The following SRSF3 variants were observed in gnomAD, a reference collection of about 807,000 sequenced individuals.
SRSF3 encodes the protein serine/arginine-rich splicing factor 3.
For synonymous variants in SRSF3, 87 were observed against 73.6 expected, an observed-to-expected ratio of 1.18 and a Z score of -0.93; for missense variants, 58 against 217.1, an observed-to-expected ratio of 0.27 and a Z score of 4.61.
chr6:36,598,745 C>T, intron 2 of SRSF3, 104 bp from the exon 3 acceptor site: 1 of 1,325,546 alleles, frequency 7.5e-7, no homozygotes, highest in Non-Finnish European at 1.0e-6. Flanking sequence ...TGCACAGACA[C>T]TTAGGTGTGT....
At chr6:36,597,097 CTTTTTTT>C (rs35760494) in intron 2 of SRSF3, 129 bp downstream of exon 2, 342 of 362,658 alleles carry the variant, frequency 9.4e-4, no homozygotes, top group Non-Finnish European at 1.1e-3. Context: ...CAATTGGGAT[CTTTTTTT>C]TTTTTTTTTT....
chr6:36,600,238 C>T, intron 3 of SRSF3: 1 of 1,047,444 alleles, frequency 9.5e-7, no homozygotes, highest in Non-Finnish European at 1.2e-6. Flanking sequence ...GTCCGGCAGC[C>T]TCACCTCACC....
chr6:36,599,607 G>A, intron 3 of SRSF3: 1 of 358,916 alleles, frequency 2.8e-6, no homozygotes, highest in Non-Finnish European at 5.5e-6. Flanking sequence ...AGTTTCTATA[G>A]GACTAAATTT....
rs1778782342 is a variant in SRSF3 at position 36,604,663 on chromosome 6, ACC to A, written c.*2676_*2677del. ...ACTGCTGTCAGTGGCTTTCACACAA[ACC>A]CATATGTGGATGGAAAATCCAGGTT... On this transcript the variant is annotated 3_prime_UTR_variant, in exon 6 of 6. Transcript: ENST00000373715. 6.2e-6 allele frequency: 1 copy of A among 161,842 alleles called. No individual in the cohort carries two copies. Among genetic ancestry groups the A allele is most frequent in the African/African-American group, 2.4e-5 (1 of 41,746 alleles). The allele number at this position is 161,842 out of a possible 1,614,324, so 10.0% of individuals were successfully genotyped here.
chr6:36,596,751 T>C lies in SRSF3; in HGVS notation c.-2-10T>C, dbSNP rs1406524090. 2 of 1,612,878 alleles carry C rather than the reference T, an allele frequency of 1.2e-6. No homozygotes were observed. Among genetic ancestry groups the C allele is most frequent in the Non-Finnish European group, 1.7e-6 (2 of 1,179,202 alleles). On this transcript the variant is annotated splice_polypyrimidine_tract_variant and intron_variant, in intron 1 of 5. Transcript: ENST00000373715. ...AGATGAATGAATATTTTTGGTATTT[T>C]TCATTACAGAAATGCATCGTGATTC... is the stretch of plus-strand genomic sequence containing the variant.
At chr6:36,597,347 C>A (rs34883978) in intron 2 of SRSF3, among the ~76,000 whole-genome samples, 1 of 152,120 alleles carries the variant, frequency 6.6e-6, no homozygotes, top group Non-Finnish European at 1.5e-5. Context: ...CCCAGGTGAT[C>A]TGACCGCCTT....
Position 36,605,329 on chromosome 6 carries a change from A to C in SRSF3, c.*3340A>C, listed in dbSNP as rs1054193352. 6.6e-6 allele frequency: 1 copy of C among 152,066 alleles called. No individual in the cohort carries two copies. The highest frequency in any genetic ancestry group is 1.5e-5 in the Non-Finnish European group (1 of 68,024). The allele number at this position is 152,066 out of a possible 1,614,324, so 9.4% of individuals were successfully genotyped here. A position where few individuals can be genotyped will look rare whatever the true frequency, so the allele number is the denominator to read the frequency against. On this transcript the variant is annotated 3_prime_UTR_variant, in exon 6 of 6. Transcript: ENST00000373715. ...ACATGGTGAAACCCCGTCTCTACTA[A>C]CAGTACAAAAATTAGCTGGGTGTGG...
intron 2 of SRSF3, among the ~76,000 whole-genome samples, chr6:36,598,099 CA>C (rs1159080426): frequency 1.3e-5 from 2 of 152,052 alleles, no homozygotes; most frequent in African/African-American, 4.8e-5. Flanking sequence ...TGGAGTGGGG[CA>C]GGGGGAGACC....
At position 36,598,866 on chromosome 6, in the gene SRSF3, G is replaced by C; in HGVS notation, c.224G>C (p.Arg75Pro). The change falls in exon 3 of 6, where the codon CGT becomes CCT. Residue 75 changes from arginine to proline, a missense_variant. Transcript: ENST00000373715. The part of the protein sequence containing the change: ...ELDGRTLCGC[R>P]VRVELSNGEK... ...CCCCTCAGAACACTATGTGGCTGCC[G>C]TGTAAGAGTGGAACTGTCGAATGGT... 1 of 1,613,254 alleles carries C rather than the reference G, an allele frequency of 6.2e-7. No homozygotes were observed. The highest frequency in any genetic ancestry group is 8.5e-7 in the Non-Finnish European group (1 of 1,179,894).
chr6:36,603,694 G>A lies in SRSF3; in HGVS notation c.*1705G>A, dbSNP rs182451904. 16 of 230,582 alleles carry A rather than the reference G, an allele frequency of 6.9e-5. No individual in the cohort carries two copies. The highest frequency in any genetic ancestry group is 1.0e-4 in the Non-Finnish European group (12 of 116,492). 14.3% of individuals were successfully genotyped at this position (230,582 alleles called of 1,614,324 possible). On this transcript the variant is annotated 3_prime_UTR_variant, in exon 6 of 6. Coordinates refer to ENST00000373715, the MANE Select transcript of SRSF3 (RefSeq NM_003017.5). ...GCCTGTTTATTTACTGAGAGCTCTGGCATTGGGCATTTTGTCTTTAGTATT... is the reference window on the plus strand; with the variant it reads ...GCCTGTTTATTTACTGAGAGCTCTGACATTGGGCATTTTGTCTTTAGTATT...
rs557019024 is a variant in SRSF3 at position 36,602,181 on chromosome 6, C to T, written c.*192C>T. The stretch of plus-strand genomic sequence containing the variant: ...TCTCTATGGTTTGAAATGGATCATA[C>T]GAGGCATGTAATACCAAGAATTGTT... On this transcript the variant is annotated 3_prime_UTR_variant, in exon 6 of 6. Coordinates refer to ENST00000373715, the MANE Select transcript of SRSF3 (RefSeq NM_003017.5). The T allele has an allele frequency of 6.1e-5, 69 of 1,125,584 alleles. No homozygotes were observed. Among genetic ancestry groups the T allele is most frequent in the South Asian group, 8.4e-5 (4 of 47,470 alleles). 69.7% of individuals were successfully genotyped at this position (1,125,584 alleles called of 1,614,324 possible).
At chr6:36,601,933 T>C (rs201668947) in intron 5 of SRSF3, 29 bp from the exon 6 acceptor site, 1 of 1,576,316 alleles carries the variant, frequency 6.3e-7, no homozygotes, top group South Asian at 1.2e-5. Flanking sequence ...ATGTAATGTT[T>C]TGTTTTCTTT....
At chr6:36,595,972 T>C (rs887317154) in intron 1 of SRSF3, among the ~76,000 whole-genome samples, 1 of 152,200 alleles carries the variant, frequency 6.6e-6, no homozygotes, top group Non-Finnish European at 1.5e-5. Context: ...TCGCCGAGGC[T>C]GGAGTGCAGT....
chr6:36,601,936 T>A (rs1562013869), intron 5 of SRSF3, 26 bp from the exon 6 acceptor site: 1 of 1,569,612 alleles, frequency 6.4e-7, no homozygotes, highest in Admixed American at 2.0e-5. Flanking sequence ...TAATGTTTTG[T>A]TTTCTTTTTT....
At chr6:36,601,279 A>C in intron 4 of SRSF3, 89 bp downstream of exon 4, 1 of 1,350,900 alleles carries the variant, frequency 7.4e-7, no homozygotes, top group Non-Finnish European at 1.0e-6. Context: ...GTTAATGGGA[A>C]TAAACCTTGG....
intron 2 of SRSF3, among the ~76,000 whole-genome samples, chr6:36,597,877 T>C (rs1282472369): frequency 1.3e-5 from 2 of 150,778 alleles, no homozygotes; most frequent in African/African-American, 4.9e-5. Context: ...ATTTAAAAAA[T>C]AATACAGACG....
intron 1 of SRSF3, among the ~76,000 whole-genome samples, chr6:36,595,888 T>C (rs1778619207): frequency 6.6e-6 from 1 of 152,190 alleles, no homozygotes; most frequent in South Asian, 2.1e-4. Context: ...GTTCCTATAG[T>C]TCCAAATGAC....
chr6:36,601,866 A>C (rs1453211706), intron 5 of SRSF3, 72 bp downstream of exon 5: 16 of 1,594,428 alleles, frequency 1.0e-5, no homozygotes, highest in Middle Eastern at 1.7e-4. Context: ...CTAAGCCATA[A>C]ATTTTTTACC....
In SRSF3 at chr6:36,603,299, A is replaced by G. The variant is rs1778750661; in HGVS notation, c.*1310A>G. ...TTCTAAGCTGATCCATCATGATGTA[A>G]AAGTTCACAATATGGTTCAAATGTA... On this transcript the variant is annotated 3_prime_UTR_variant, in exon 6 of 6. Transcript: ENST00000373715. The G allele has an allele frequency of 4.4e-6, 1 of 224,864 alleles. No individual in the cohort carries two copies. The highest frequency in any genetic ancestry group is 2.2e-5 in the African/African-American group (1 of 44,894). 13.9% of individuals were successfully genotyped at this position (224,864 alleles called of 1,614,324 possible). A position where few individuals can be genotyped will look rare whatever the true frequency, so the allele number is the denominator to read the frequency against.
Sources: allele counts gnomAD v4.1 joint callset (sites outside exome capture counted in the v4.1 genomes callset), GRCh38; gene constraint gnomAD v4.1.1; transcripts MANE v1.5; gene names NCBI Gene and HGNC (gene_info 2026-07-23, HGNC 2026-07-21).